ASTN2: variants seen among roughly 807,000 people sequenced by gnomAD.
ASTN2 encodes the protein astrotactin-2.
A neutral mutation model predicts 139.8 loss-of-function variants in ASTN2; 54 were observed. The ratio of observed to expected loss-of-function variants is 0.39; its 90% CI spans 0.31 to 0.48. The LOEUF (loss-of-function observed/expected upper bound fraction) is 0.48, where lower values mean the gene tolerates loss of function less well. Ranked by LOEUF, ASTN2 falls within the 20% of genes least tolerant of loss-of-function variation. ASTN2 has a pLI of 0.95. For missense variants in ASTN2, 1,565 were observed against 1,725.1 expected, an observed-to-expected ratio of 0.91 and a Z score of 1.64; for synonymous variants, 756 against 719.5, an observed-to-expected ratio of 1.05 and a Z score of -0.81.
intron 19 of ASTN2, among the ~76,000 whole-genome samples, chr9:116,492,669 A>G (rs2119106834): frequency 6.6e-6 from 1 of 152,212 alleles, no homozygotes; most frequent in South Asian, 2.1e-4. Flanking sequence ...CCAATTTCTG[A>G]CCACTTTATT....
chr9:116,556,076 T>C (rs965938462), intron 19 of ASTN2, among the ~76,000 whole-genome samples: 2 of 152,154 alleles, frequency 1.3e-5, no homozygotes, highest in Non-Finnish European at 2.9e-5. Context: ...GAGGATACAG[T>C]GGAGAACAGT....
intron 12 of ASTN2, 78 bp from the exon 13 acceptor site, chr9:116,805,898 C>T (rs1831017961): frequency 2.8e-6 from 4 of 1,418,980 alleles, no homozygotes; most frequent in Non-Finnish European, 3.9e-6. Context: ...ACCAAGGCCT[C>T]CTTTCCCTGC....
At chr9:117,334,085 A>T (rs751249785) in intron 1 of ASTN2, among the ~76,000 whole-genome samples, 19 of 152,206 alleles carry the variant, frequency 1.2e-4, no homozygotes, top group Middle Eastern at 3.2e-3. Flanking sequence ...GTTTTCCACA[A>T]TTAACTTGGT....
chr9:116,908,551 T>A (rs1050864020), intron 10 of ASTN2, among the ~76,000 whole-genome samples: 2 of 152,228 alleles, frequency 1.3e-5, no homozygotes, highest in African/African-American at 4.8e-5. Context: ...TTTATTCTGG[T>A]TGTTTCCTTT....
At chr9:117,381,620 C>T (rs565368466) in intron 1 of ASTN2, among the ~76,000 whole-genome samples, 1 of 152,230 alleles carries the variant, frequency 6.6e-6, no homozygotes, top group South Asian at 2.1e-4. Flanking sequence ...CAAAAGCTCC[C>T]TGAGACCTCC....
At chr9:116,837,720 A>T (rs1478163390) in intron 11 of ASTN2, among the ~76,000 whole-genome samples, 1 of 152,220 alleles carries the variant, frequency 6.6e-6, no homozygotes, top group South Asian at 2.1e-4. Flanking sequence ...AACTTACAAA[A>T]CAGAACAATT....
At chr9:116,924,016 C>T (rs57432479) in intron 10 of ASTN2, among the ~76,000 whole-genome samples, 2,940 of 152,228 alleles carry the variant, frequency 0.019, 78 homozygotes, top group African/African-American at 0.062. Context: ...CAATCCAGAA[C>T]CCAATAGAGG....
chr9:116,756,291 A>C (rs10983338), intron 13 of ASTN2, among the ~76,000 whole-genome samples: 29,956 of 152,070 alleles, frequency 0.2, 3,212 homozygotes, highest in African/African-American at 0.29. Flanking sequence ...TAGTCTTAAC[A>C]GATGCCAGAG....
intron 10 of ASTN2, among the ~76,000 whole-genome samples, chr9:116,886,736 AT>A (rs375999037): frequency 1.9e-4 from 16 of 82,858 alleles, no homozygotes; most frequent in Middle Eastern, 7.9e-3. Flanking sequence ...ATAAAAGAAT[AT>A]TTTTTTTATT....
intron 10 of ASTN2, among the ~76,000 whole-genome samples, chr9:116,867,460 T>G (rs1338654423): frequency 5.0e-4 from 71 of 142,166 alleles, no homozygotes; most frequent in African/African-American, 1.7e-3. Context: ...TGAGGCAGGA[T>G]AATGGCGTGA....
intron 2 of ASTN2, among the ~76,000 whole-genome samples, chr9:117,232,133 C>G (rs1434176309): frequency 6.6e-6 from 1 of 152,086 alleles, no homozygotes; most frequent in Non-Finnish European, 1.5e-5. Context: ...AGGTAACTGT[C>G]AATTACAAAA....
In ASTN2 at chr9:117,346,626, C is replaced by A. The variant is rs567687556; in HGVS notation, c.443-55113G>T. On this transcript the variant is annotated intron_variant, in intron 1 of 22. Coordinates refer to ENST00000313400, the MANE Select transcript of ASTN2 (RefSeq NM_001365068.1). Reference sequence around the variant, plus strand: ...TGACACATCGTTTAGCAGAAATAAGCAATTAAATATGGGGAAAAATAACTG... The same window carrying A: ...TGACACATCGTTTAGCAGAAATAAGAAATTAAATATGGGGAAAAATAACTG... Among the ~76,000 whole-genome samples the A allele has an allele frequency of 6.3e-4, 96 of 152,164 alleles. 1 individual carries two copies. In the South Asian group the frequency reaches 0.013, roughly 20 times the overall value.
intron 19 of ASTN2, among the ~76,000 whole-genome samples, chr9:116,606,532 G>C (rs992166210): frequency 2.0e-4 from 30 of 152,280 alleles, no homozygotes; most frequent in African/African-American, 7.2e-4. Context: ...CACTGGACTT[G>C]GCTGCCAGCA....
chr9:116,630,205 T>C (rs891963372), intron 17 of ASTN2, among the ~76,000 whole-genome samples: 7 of 152,130 alleles, frequency 4.6e-5, no homozygotes, highest in African/African-American at 1.4e-4. Flanking sequence ...CCCAGAGAGT[T>C]TGGGTTCCTT....
chr9:116,913,487 T>C (rs1162907175), intron 10 of ASTN2, among the ~76,000 whole-genome samples: 1 of 152,164 alleles, frequency 6.6e-6, no homozygotes, highest in Non-Finnish European at 1.5e-5. Flanking sequence ...CCCGCTGGCT[T>C]TGTCATTTCT....
In ASTN2 at chr9:117,236,321, G is replaced by C. The variant is rs144413899; in HGVS notation, c.631-21579C>G. Among the ~76,000 whole-genome samples, 335 of 152,264 alleles carry C rather than the reference G, an allele frequency of 2.2e-3. 1 individual carries two copies. The highest frequency in any genetic ancestry group is 3.3e-3 in the Non-Finnish European group (224 of 68,006). ...AGCCACAGTCCTGGAACAGTACTAAGTGGGCTCTGTGATTGCTACCATCAT... is the reference window on the plus strand; with the variant it reads ...AGCCACAGTCCTGGAACAGTACTAACTGGGCTCTGTGATTGCTACCATCAT... On this transcript the variant is annotated intron_variant, in intron 2 of 22. Coordinates refer to ENST00000313400, the MANE Select transcript of ASTN2 (RefSeq NM_001365068.1).
At chr9:116,896,466 A>C (rs1310018544) in intron 10 of ASTN2, among the ~76,000 whole-genome samples, 1 of 151,958 alleles carries the variant, frequency 6.6e-6, no homozygotes, top group African/African-American at 2.4e-5. Flanking sequence ...AGTAGCTGGG[A>C]TTACAGGTGC....
intron 16 of ASTN2, chr9:116,700,680 C>T (rs1387809668): frequency 6.0e-6 from 1 of 166,892 alleles, no homozygotes; most frequent in Non-Finnish European, 1.5e-5. Flanking sequence ...CAAGTCAGTA[C>T]ATACTATTTG....
chr9:116,436,210 T>C (rs940325601), intron 22 of ASTN2, among the ~76,000 whole-genome samples: 2 of 152,286 alleles, frequency 1.3e-5, no homozygotes, highest in African/African-American at 2.4e-5. Flanking sequence ...TGCAAGGACA[T>C]TGCATTTTTT....
Sources: allele counts gnomAD v4.1 joint callset (sites outside exome capture counted in the v4.1 genomes callset), GRCh38; gene constraint gnomAD v4.1.1; transcripts MANE v1.5; gene names NCBI Gene and HGNC (gene_info 2026-07-23, HGNC 2026-07-21).